The following NTRK3 variants were observed in gnomAD, a reference collection of about 807,000 sequenced individuals.
NTRK3 encodes the protein NT-3 growth factor receptor.
NTRK3 carries 24 observed loss-of-function variants against 91.7 expected under a neutral mutation model. The ratio of observed to expected loss-of-function variants is 0.26; its 90% confidence interval spans 0.19 to 0.37. The LOEUF (loss-of-function observed/expected upper bound fraction) is 0.37, where lower values mean the gene tolerates loss of function less well. NTRK3 is among the 10% of genes least tolerant of loss of function. The pLI is 1.00. For missense variants in NTRK3, 880 were observed against 1,068.9 expected, an observed-to-expected ratio of 0.82 and a Z score of 2.46; for synonymous variants, 483 against 404.0, an observed-to-expected ratio of 1.20 and a Z score of -2.34.
At chr15:88,188,245 GTGGCAC>G (rs1422006461) in intron 3 of NTRK3, among the ~76,000 whole-genome samples, 1 of 152,192 alleles carries the variant, frequency 6.6e-6, no homozygotes, top group East Asian at 1.9e-4. Flanking sequence ...GGGCAAAGGG[GTGGCAC>G]ATCAGGTGCC....
intron 5 of NTRK3, among the ~76,000 whole-genome samples, chr15:88,173,991 G>A (rs2045767762): frequency 6.6e-6 from 1 of 152,220 alleles, no homozygotes; most frequent in Admixed American, 6.5e-5. Flanking sequence ...AGTGCATAGA[G>A]GAATGCTTGG....
chr15:88,232,258 A>ACCCAC, intron 3 of NTRK3, among the ~76,000 whole-genome samples: 1 of 145,358 alleles, frequency 6.9e-6, no homozygotes, highest in East Asian at 2.2e-4. Context: ...TTTTCCTAAA[A>ACCCAC]CCCACCCCAC....
In NTRK3 at chr15:87,916,496, GA is replaced by G. The variant is rs1415688538; in HGVS notation, c.2133+12694del. The G allele has an allele frequency of 1.0e-5, 7 of 701,842 alleles. No individual in the cohort carries two copies. In the East Asian group the frequency reaches 1.6e-4, roughly 16 times the overall value. The allele number at this position is 701,842 out of a possible 1,614,324, so 43.5% of individuals were successfully genotyped here. A position where few individuals can be genotyped will look rare whatever the true frequency, so the allele number is the denominator to read the frequency against. On this transcript the variant is annotated intron_variant, in intron 17 of 18. Transcript: ENST00000394480. ...AATATAAGCATGCTTCAACGTCTCA[GA>G]ATTTTCTTATGGGGCATCTTCCCCG...
rs377757056 is a variant in NTRK3, at chr15:88,240,194, C to T, written c.248+15712G>A. Among the ~76,000 whole-genome samples the T allele has an allele frequency of 5.3e-5, 8 of 151,854 alleles. No individual in the cohort carries two copies. The East Asian group carries it at 9.7e-4, about 18-fold the overall frequency. On this transcript the variant is annotated intron_variant, in intron 3 of 18. Transcript: ENST00000394480. The surrounding 1 kb of genome is among the most constrained non-coding windows in gnomAD (Gnocchi z 4.9). ...GTATGGCTCCCCTACTTTCCCATCC[C>T]GTCCCCAGCCACCGCCATAGAAACA...
intron 5 of NTRK3, among the ~76,000 whole-genome samples, chr15:88,147,995 C>T (rs2043039146): frequency 6.6e-6 from 1 of 152,172 alleles, no homozygotes. Flanking sequence ...AAGAAACACG[C>T]CCACGGTTAT....
intron 13 of NTRK3, among the ~76,000 whole-genome samples, chr15:88,054,750 TTGATGA>T (rs760244120): frequency 2.0e-5 from 3 of 151,832 alleles, no homozygotes; most frequent in African/African-American, 7.3e-5. Flanking sequence ...TCTGAAAATA[TTGATGA>T]TGATGATGAT....
chr15:87,914,758 C>T (rs546520132), intron 17 of NTRK3, among the ~76,000 whole-genome samples: 2 of 152,192 alleles, frequency 1.3e-5, no homozygotes, highest in East Asian at 1.9e-4. Context: ...AAGAACAAAC[C>T]GGGCTGCAAA....
At chr15:88,020,270 C>T (rs1170828269) in intron 14 of NTRK3, among the ~76,000 whole-genome samples, 2 of 152,096 alleles carry the variant, frequency 1.3e-5, no homozygotes, top group Non-Finnish European at 2.9e-5. Context: ...CTAGTTGAGC[C>T]CACAGAGTTT....
chr15:87,976,199 C>T (rs1438498011), intron 14 of NTRK3, among the ~76,000 whole-genome samples: 1 of 152,206 alleles, frequency 6.6e-6, no homozygotes, highest in South Asian at 2.1e-4. Flanking sequence ...CCTGTTCCAA[C>T]TCTTTCTCCT....
chr15:88,122,646 A>T (rs1207097352), intron 13 of NTRK3, among the ~76,000 whole-genome samples: 4 of 151,918 alleles, frequency 2.6e-5, no homozygotes, highest in Non-Finnish European at 5.9e-5. Context: ...CTTTTTCTGT[A>T]TTTTTTTTAT....
chr15:87,877,594 T>TAAGAGAGA lies in NTRK3; in HGVS notation c.2293-475_2293-474insTCTCTCTT, dbSNP rs1402738448. On this transcript the variant is annotated intron_variant, in intron 18 of 18. Transcript: ENST00000394480. Reference sequence around the variant, plus strand: ...CATGCCTATCTCCTCTTATCTCTCATTCCTGGCAGGCTCCCAGTTGCAGAC... The same window carrying TAAGAGAGA: ...CATGCCTATCTCCTCTTATCTCTCATAAGAGAGATCCTGGCAGGCTCCCAGTTGCAGAC... 3.4e-3 allele frequency among the ~76,000 whole-genome samples: 513 copies of TAAGAGAGA among 152,188 alleles called. 1 individual carries two copies. The highest frequency in any genetic ancestry group is 0.011 in the African/African-American group (464 of 41,528).
At chr15:88,013,936 C>A (rs746861258) in intron 14 of NTRK3, among the ~76,000 whole-genome samples, 3 of 152,026 alleles carry the variant, frequency 2.0e-5, no homozygotes, top group Non-Finnish European at 2.9e-5. Context: ...ACAGTGAGAC[C>A]CTGTCTCAAT....
chr15:88,021,772 G>A (rs565187683), intron 14 of NTRK3, among the ~76,000 whole-genome samples: 201 of 152,192 alleles, frequency 1.3e-3, no homozygotes, highest in African/African-American at 4.0e-3. Context: ...AATGAGAACC[G>A]ACAAATTCTT....
chr15:87,899,979 CTT>C (rs896069110), intron 17 of NTRK3, among the ~76,000 whole-genome samples: 4 of 152,116 alleles, frequency 2.6e-5, no homozygotes, highest in African/African-American at 9.7e-5. Context: ...TGGGATTTGT[CTT>C]TGAGTCATGA....
chr15:87,995,754 C>A (rs1028509164), intron 14 of NTRK3, among the ~76,000 whole-genome samples: 4 of 152,152 alleles, frequency 2.6e-5, no homozygotes, highest in Admixed American at 6.6e-5. Context: ...ATATTATAGG[C>A]TTTTCAGGCC....
At chr15:88,021,480 G>A (rs909999578) in intron 14 of NTRK3, among the ~76,000 whole-genome samples, 2 of 152,178 alleles carry the variant, frequency 1.3e-5, no homozygotes, top group African/African-American at 4.8e-5. Flanking sequence ...GCAGACCAAA[G>A]GTCCTTCTTG....
intron 13 of NTRK3, among the ~76,000 whole-genome samples, chr15:88,057,369 G>A (rs898751872): frequency 4.0e-5 from 6 of 151,692 alleles, no homozygotes; most frequent in East Asian, 2.0e-4. Flanking sequence ...GTGGTGGCAG[G>A]TGCCTGTAAT....
intron 3 of NTRK3, among the ~76,000 whole-genome samples, chr15:88,229,850 G>T (rs1341515549): frequency 6.6e-6 from 1 of 152,260 alleles, no homozygotes; most frequent in Non-Finnish European, 1.5e-5. Context: ...AGGGAACATG[G>T]AGCAGAATTT....
At chr15:88,249,942 T>C (rs991513798) in intron 3 of NTRK3, among the ~76,000 whole-genome samples, 2 of 152,170 alleles carry the variant, frequency 1.3e-5, no homozygotes, top group Admixed American at 6.5e-5. Context: ...CCCTCAAAGA[T>C]GGGTCATTCC....
Sources: allele counts gnomAD v4.1 joint callset (sites outside exome capture counted in the v4.1 genomes callset), GRCh38; gene constraint gnomAD v4.1.1; non-coding constraint Gnocchi (gnomAD v3.1); transcripts MANE v1.5; gene names NCBI Gene and HGNC (gene_info 2026-07-23, HGNC 2026-07-21).